Variants in SGIP1 observed in about 807,000 individuals in gnomAD.
The protein encoded by SGIP1 is SH3GL interacting endocytic adaptor 1.
Under a neutral mutation model 107.5 loss-of-function variants are expected in SGIP1, and 38 were observed. The ratio of observed to expected loss-of-function variants is 0.35; its 90% CI spans 0.27 to 0.46. The LOEUF is 0.46. SGIP1 is among the 20% of genes least tolerant of loss of function. SGIP1 has a pLI of 1.00. For synonymous variants in SGIP1, 365 were observed against 366.1 expected, an observed-to-expected ratio of 1.00 and a Z score of 0.03; for missense variants, 929 against 1,019.5, an observed-to-expected ratio of 0.91 and a Z score of 1.21.
chr1:66,611,851 G>A (rs1251571168), intron 1 of SGIP1, among the ~76,000 whole-genome samples: 1 of 152,132 alleles, frequency 6.6e-6, no homozygotes, highest in Non-Finnish European at 1.5e-5. Flanking sequence ...GGCTGGGGAG[G>A]AAGATGACAG....
At chr1:66,680,802 C>G (rs1306097801) in intron 14 of SGIP1, among the ~76,000 whole-genome samples, 1 of 152,186 alleles carries the variant, frequency 6.6e-6, no homozygotes, top group Non-Finnish European at 1.5e-5. Context: ...TATAGAAATA[C>G]TAAGATGGCT....
chr1:66,709,868 A>G (rs2092791883), intron 18 of SGIP1, among the ~76,000 whole-genome samples: 1 of 152,140 alleles, frequency 6.6e-6, no homozygotes, highest in African/African-American at 2.4e-5. Context: ...TTCTCATCGT[A>G]GCATTATTAT....
At chr1:66,606,502 A>T (rs1465422761) in intron 1 of SGIP1, among the ~76,000 whole-genome samples, 1 of 152,218 alleles carries the variant, frequency 6.6e-6, no homozygotes, top group Non-Finnish European at 1.5e-5. Flanking sequence ...ATGGATGACT[A>T]GACCAGCCAG....
intron 8 of SGIP1, chr1:66,666,903 G>C (rs1164564617): frequency 6.6e-6 from 1 of 152,164 alleles, no homozygotes; most frequent in African/African-American, 2.4e-5. Context: ...GTTTGTCAGG[G>C]GCTCCTCATC....
At chr1:66,535,127 T>C (rs1477397173) in intron 1 of SGIP1, among the ~76,000 whole-genome samples, 1 of 152,320 alleles carries the variant, frequency 6.6e-6, no homozygotes, top group Non-Finnish European at 1.5e-5. Flanking sequence ...CCTGGAGAGA[T>C]GCTATTTAAA....
chr1:66,639,861 A>T, intron 5 of SGIP1, 28 bp downstream of exon 5: 1 of 1,584,640 alleles, frequency 6.3e-7, no homozygotes, highest in Non-Finnish European at 8.6e-7. Context: ...GTTTCTCTTT[A>T]TTAAGTATTT....
chr1:66,640,284 A>G (rs1258865318), intron 5 of SGIP1, among the ~76,000 whole-genome samples: 2 of 152,184 alleles, frequency 1.3e-5, no homozygotes, highest in African/African-American at 4.8e-5. Context: ...GGAGCTAATT[A>G]TTTGCAAAAC....
chr1:66,550,623 C>T (rs1007956366), intron 1 of SGIP1, among the ~76,000 whole-genome samples: 2 of 152,148 alleles, frequency 1.3e-5, no homozygotes, highest in South Asian at 2.1e-4. Flanking sequence ...GATTTATTAA[C>T]ATAAAAATAG....
chr1:66,741,047 T>C (rs962408982), intron 23 of SGIP1, among the ~76,000 whole-genome samples: 3 of 152,176 alleles, frequency 2.0e-5, no homozygotes, highest in Non-Finnish European at 4.4e-5. Flanking sequence ...ATACAAGGGC[T>C]TCCAAGTAGC....
intron 7 of SGIP1, among the ~76,000 whole-genome samples, chr1:66,646,780 C>G (rs904265327): frequency 6.6e-6 from 1 of 152,170 alleles, no homozygotes; most frequent in Non-Finnish European, 1.5e-5. Context: ...TCCTATTGTA[C>G]AGTTAGACAA....
intron 1 of SGIP1, among the ~76,000 whole-genome samples, chr1:66,566,719 G>A (rs2059691005): frequency 6.6e-6 from 1 of 151,784 alleles, no homozygotes; most frequent in African/African-American, 2.4e-5. Context: ...TCTACCTTAA[G>A]TTCTGGCATA....
At chr1:66,623,531 A>G (rs1047331976) in intron 1 of SGIP1, among the ~76,000 whole-genome samples, 2 of 152,212 alleles carry the variant, frequency 1.3e-5, no homozygotes, top group Non-Finnish European at 2.9e-5. Flanking sequence ...GATTACAGGC[A>G]TAGGCTACTG....
intron 15 of SGIP1, among the ~76,000 whole-genome samples, chr1:66,687,531 G>C (rs1282475740): frequency 6.6e-6 from 1 of 151,926 alleles, no homozygotes; most frequent in Non-Finnish European, 1.5e-5. Flanking sequence ...AATAAGAACA[G>C]ACTTTATGCA....
At chr1:66,546,175 G>A (rs2056348884) in intron 1 of SGIP1, among the ~76,000 whole-genome samples, 1 of 152,164 alleles carries the variant, frequency 6.6e-6, no homozygotes, top group African/African-American at 2.4e-5. Context: ...TAAAGTTCCT[G>A]GATGCCAGGC....
At chr1:66,700,387 A>AC (rs1363875282) in intron 18 of SGIP1, among the ~76,000 whole-genome samples, 1 of 151,484 alleles carries the variant, frequency 6.6e-6, no homozygotes, top group East Asian at 1.9e-4. Flanking sequence ...AAAAAAAAAA[A>AC]AACAGAGTAA....
At chr1:66,590,886 A>G (rs1240709013) in intron 1 of SGIP1, among the ~76,000 whole-genome samples, 1 of 152,186 alleles carries the variant, frequency 6.6e-6, no homozygotes, top group Non-Finnish European at 1.5e-5. Context: ...CACCTGGCAT[A>G]TATCAGAATT....
chr1:66,689,656 T>C (rs531315785), intron 16 of SGIP1, among the ~76,000 whole-genome samples: 1 of 152,210 alleles, frequency 6.6e-6, no homozygotes, highest in Non-Finnish European at 1.5e-5. Flanking sequence ...TGTAGGCACA[T>C]GATGTGAATA....
intron 1 of SGIP1, among the ~76,000 whole-genome samples, chr1:66,569,194 T>A (rs967608154): frequency 6.6e-6 from 1 of 152,000 alleles, no homozygotes; most frequent in African/African-American, 2.4e-5. Context: ...ATTTTTTCCT[T>A]TTCAATGTGT....
chr1:66,694,884 G>T (rs1034297828), intron 17 of SGIP1: 2 of 227,610 alleles, frequency 8.8e-6, no homozygotes, highest in Middle Eastern at 1.4e-3. Context: ...CATAGGTAAA[G>T]GGTGTTTTGT....
Sources: gnomAD v4.1 joint callset for allele counts (sites outside exome capture counted in the v4.1 genomes callset) on GRCh38, gnomAD v4.1.1 for gene constraint, MANE v1.5 for transcripts, NCBI Gene and HGNC (gene_info 2026-07-23, HGNC 2026-07-21) for gene names.